Variants in LRIG1 observed in about 807,000 individuals in gnomAD.
The protein encoded by LRIG1 is leucine-rich repeats and immunoglobulin-like domains protein 1.
Under a neutral mutation model 99.2 loss-of-function variants are expected in LRIG1, and 48 were observed. The ratio of observed to expected loss-of-function variants is 0.48; its 90% CI spans 0.38 to 0.62. The LOEUF (loss-of-function observed/expected upper bound fraction) is 0.62. Among genes scored for constraint, LRIG1 ranks in the 20% least tolerant of loss-of-function variants. The pLI is 0.00. For synonymous variants in LRIG1, 772 were observed against 596.1 expected, an observed-to-expected ratio of 1.29 and a Z score of -4.30; for missense variants, 1,646 against 1,434.4, an observed-to-expected ratio of 1.15 and a Z score of -2.38.
chr3:66,455,891 A>C (rs962294358), intron 2 of LRIG1, among the ~76,000 whole-genome samples: 1 of 152,262 alleles, frequency 6.6e-6, no homozygotes, highest in Non-Finnish European at 1.5e-5. Context: ...CAAAATAAAC[A>C]ATAATAAAGG....
At chr3:66,481,462 G>T (rs563498848) in intron 1 of LRIG1, among the ~76,000 whole-genome samples, 1 of 152,120 alleles carries the variant, frequency 6.6e-6, no homozygotes, top group African/African-American at 2.4e-5. Flanking sequence ...CCTAGGGTGG[G>T]GGGAACCACC....
At chr3:66,439,283 C>T (rs535594820) in intron 3 of LRIG1, among the ~76,000 whole-genome samples, 1 of 152,368 alleles carries the variant, frequency 6.6e-6, no homozygotes, top group Non-Finnish European at 1.5e-5. Context: ...AATTACGAGG[C>T]AGAAAAACTT....
intron 3 of LRIG1, among the ~76,000 whole-genome samples, chr3:66,425,496 T>A (rs1019121288): frequency 3.3e-5 from 5 of 152,240 alleles, no homozygotes; most frequent in African/African-American, 9.6e-5. Flanking sequence ...TCTTGAAAGA[T>A]CTGCCATCGA....
chr3:66,432,431 G>A lies in LRIG1; in HGVS notation c.366-15165C>T, dbSNP rs1215515218. The stretch of plus-strand genomic sequence containing the variant: ...TTTCTTTCCAGTAGAAGGGGTGGCA[G>A]GAGTAGCCATAATGGCAGGAACAGT... On this transcript the variant is annotated intron_variant, in intron 3 of 18. Coordinates refer to ENST00000273261, the MANE Select transcript of LRIG1 (RefSeq NM_015541.3). 2.0e-5 allele frequency among the ~76,000 whole-genome samples: 3 copies of A among 152,208 alleles called. No homozygotes were observed. The East Asian group carries it at 5.8e-4, about 29-fold the overall frequency.
chr3:66,432,557 G>A (rs191546895), intron 3 of LRIG1, among the ~76,000 whole-genome samples: 35 of 152,204 alleles, frequency 2.3e-4, no homozygotes, highest in Middle Eastern at 3.4e-3. Context: ...CCCCAGAGGC[G>A]GCCACTATTA....
At chr3:66,458,941 G>A (rs1018715043) in intron 2 of LRIG1, among the ~76,000 whole-genome samples, 4 of 149,200 alleles carry the variant, frequency 2.7e-5, no homozygotes, top group Admixed American at 6.8e-5. Context: ...CACTTGAACC[G>A]AAGAGGCGGA....
intron 2 of LRIG1, among the ~76,000 whole-genome samples, chr3:66,458,319 G>A (rs561796497): frequency 3.2e-4 from 49 of 152,034 alleles, no homozygotes; most frequent in Non-Finnish European, 6.3e-4. Flanking sequence ...TGTTGCTCAC[G>A]CTGGTCTCAA....
chr3:66,476,645 T>C (rs573305113), intron 1 of LRIG1, among the ~76,000 whole-genome samples: 1 of 152,264 alleles, frequency 6.6e-6, no homozygotes, highest in South Asian at 2.1e-4. Context: ...ATCAAAGCAC[T>C]AGAAAAAGAT....
chr3:66,412,679 T>G (rs1307478450), intron 6 of LRIG1, among the ~76,000 whole-genome samples, 192 bp downstream of exon 6: 1 of 152,186 alleles, frequency 6.6e-6, no homozygotes, highest in Non-Finnish European at 1.5e-5. Flanking sequence ...TGAATGCTGG[T>G]GTGGGCGCGC....
intron 9 of LRIG1, among the ~76,000 whole-genome samples, chr3:66,399,958 C>T (rs565568647): frequency 5.9e-5 from 9 of 152,226 alleles, no homozygotes; most frequent in Non-Finnish European, 1.2e-4. Context: ...TCCCTGCCTA[C>T]GAGAGGGACC....
intron 12 of LRIG1, chr3:66,386,802 G>A (rs1701397459): frequency 6.5e-6 from 1 of 153,846 alleles, no homozygotes; most frequent in African/African-American, 2.4e-5. Flanking sequence ...TCAGAATTCT[G>A]GAAAACCAAA....
rs61590993 is a variant in LRIG1, at chr3:66,406,943, A to G, written c.1079+405T>C. On this transcript the variant is annotated intron_variant, in intron 8 of 18. Transcript: ENST00000273261. Reference sequence around the variant, plus strand: ...CCCATGGTTTAGAGAAAAAATATTCAGGACTTGGAAGTTGCAGCTGAAGAC... The same window carrying G: ...CCCATGGTTTAGAGAAAAAATATTCGGGACTTGGAAGTTGCAGCTGAAGAC... Among the ~76,000 whole-genome samples the G allele has an allele frequency of 4.5e-4, 69 of 152,330 alleles. 2 individuals carry two copies. The East Asian group carries it at 0.013, about 29-fold the overall frequency.
intron 16 of LRIG1, 95 bp from the exon 17 acceptor site, chr3:66,381,726 T>A: frequency 7.0e-7 from 1 of 1,423,668 alleles, no homozygotes; most frequent in Non-Finnish European, 9.6e-7. Flanking sequence ...GAACAGTCAT[T>A]TTTTTTAAAA....
chr3:66,408,503 T>C (rs1283554481), intron 7 of LRIG1, among the ~76,000 whole-genome samples: 4 of 152,192 alleles, frequency 2.6e-5, no homozygotes, highest in Non-Finnish European at 2.9e-5. Flanking sequence ...CTAGAGGGCA[T>C]GGAAGAGGGC....
chr3:66,398,096 G>A lies in LRIG1; in HGVS notation c.1304+16C>T, dbSNP rs757846694. 3.1e-6 allele frequency: 5 copies of A among 1,602,694 alleles called. No individual in the cohort carries two copies. The highest frequency in any genetic ancestry group is 3.4e-6 in the Non-Finnish European group (4 of 1,169,972). ...TCCACTACCATTAATCAGACCCAGGGAATCCAGATACTTACAGCTCTTTAA... is the reference window on the plus strand; with the variant it reads ...TCCACTACCATTAATCAGACCCAGGAAATCCAGATACTTACAGCTCTTTAA... On this transcript the variant is annotated intron_variant, in intron 11 of 18. Coordinates refer to ENST00000273261, the MANE Select transcript of LRIG1 (RefSeq NM_015541.3).
intron 9 of LRIG1, among the ~76,000 whole-genome samples, chr3:66,404,925 G>T (rs1702206015): frequency 6.6e-6 from 1 of 152,154 alleles, no homozygotes; most frequent in Admixed American, 6.5e-5. Flanking sequence ...CATGTGAGTT[G>T]TGAGTGAAGC....
chr3:66,477,976 G>C (rs558381314), intron 1 of LRIG1, among the ~76,000 whole-genome samples: 2 of 152,234 alleles, frequency 1.3e-5, no homozygotes, highest in South Asian at 4.1e-4. Context: ...CCATGGACTT[G>C]CTACAAACAC....
intron 12 of LRIG1, 44 bp from the exon 13 acceptor site, chr3:66,386,345 C>T (rs781052059): frequency 8.6e-6 from 13 of 1,513,236 alleles, no homozygotes; most frequent in African/African-American, 1.4e-5. Context: ...GTTCTTGGTA[C>T]ACAGAGGAAC....
chr3:66,464,553 T>C (rs528203449), intron 1 of LRIG1, among the ~76,000 whole-genome samples: 98 of 151,770 alleles, frequency 6.5e-4, no homozygotes, highest in African/African-American at 2.3e-3. Context: ...GCAGGCCCCA[T>C]TTGGCTTGAG....
Sources: allele counts gnomAD v4.1 joint callset (sites outside exome capture counted in the v4.1 genomes callset), GRCh38; gene constraint gnomAD v4.1.1; transcripts MANE v1.5; gene names NCBI Gene and HGNC (gene_info 2026-07-23, HGNC 2026-07-21).